Variants in EPHA8 observed in about 807,000 individuals in gnomAD.
The protein encoded by EPHA8 is ephrin type-A receptor 8.
EPHA8 carries 58 observed loss-of-function variants against 103.6 expected under a neutral mutation model. The observed-to-expected ratio is 0.56, with a 90% CI of 0.45 to 0.70. The LOEUF (loss-of-function observed/expected upper bound fraction) is 0.70, where lower values mean the gene tolerates loss of function less well. EPHA8 is among the 30% of genes least tolerant of loss of function. The pLI, the probability that EPHA8 is intolerant of heterozygous loss-of-function variation, is 0.00. For synonymous variants in EPHA8, 559 were observed against 572.5 expected (o/e 0.98, Z 0.34); for missense variants, 1,304 against 1,395.2 (o/e 0.93, Z 1.04).
chr1:22,593,234 A>T, intron 5 of EPHA8, 92 bp from the exon 6 acceptor site: 2 of 1,494,390 alleles, frequency 1.3e-6, no homozygotes, highest in Non-Finnish European at 1.8e-6. Flanking sequence ...GCAGGGCTGG[A>T]ACCAGGATCC....
chr1:22,567,728 G>A lies in EPHA8; in HGVS notation c.95-1561G>A, dbSNP rs939598476. Among the ~76,000 whole-genome samples the A allele has an allele frequency of 3.3e-5, 5 of 152,198 alleles. No individual in the cohort carries two copies. The highest frequency in any genetic ancestry group is 5.9e-5 in the Non-Finnish European group (4 of 68,034). ...CTTCGAGGGGCAGGCTTAGAGCTAT[G>A]CAAATCTCAGGCAGAAGGACACCCA... On this transcript the variant is annotated intron_variant, in intron 1 of 16. Transcript: ENST00000166244. This position sits in a 1 kb window ranked among gnomAD's most constrained non-coding sequence, Gnocchi z 4.2.
intron 7 of EPHA8, among the ~76,000 whole-genome samples, chr1:22,594,149 A>C (rs113167143): frequency 5.9e-5 from 9 of 151,950 alleles, no homozygotes; most frequent in Admixed American, 2.0e-4. Context: ...TTGTGTATTT[A>C]ATAGAAATGG....
intron 2 of EPHA8, among the ~76,000 whole-genome samples, chr1:22,574,656 G>A (rs1234270170): frequency 2.0e-5 from 3 of 152,122 alleles, no homozygotes; most frequent in Non-Finnish European, 4.4e-5. Context: ...TCCGTTGTAG[G>A]TATATGCCAC....
Position 22,593,232 on chromosome 1 carries a change from G to A in EPHA8, c.1316-94G>A. On this transcript the variant is annotated intron_variant, in intron 5 of 16. Coordinates refer to ENST00000166244, the MANE Select transcript of EPHA8 (RefSeq NM_020526.5). Reference sequence around the variant, plus strand: ...GACCATCAGGAAGCTGAGCAGGGCTGGAACCAGGATCCCCAGGTGGAACCT... The same window carrying A: ...GACCATCAGGAAGCTGAGCAGGGCTAGAACCAGGATCCCCAGGTGGAACCT... 1.3e-6 allele frequency: 2 copies of A among 1,491,392 alleles called. 1 individual carries two copies. The highest frequency in any genetic ancestry group is 1.8e-6 in the Non-Finnish European group (2 of 1,108,496). 92.4% of individuals were successfully genotyped at this position (1,491,392 alleles called of 1,614,324 possible). A position where few individuals can be genotyped will look rare whatever the true frequency, so the allele number is the denominator to read the frequency against.
At position 22,600,948 on chromosome 1, in the gene EPHA8, C is replaced by T; in HGVS notation, c.2589C>T (p.Cys863=). ...EGYRLPAPMG[C]PHALHQLMLD... Reference sequence around the variant, plus strand: ...ACCGCCTGCCCGCACCCATGGGCTGCCCCCACGCCCTGCACCAGCTCATGC... The same window carrying T: ...ACCGCCTGCCCGCACCCATGGGCTGTCCCCACGCCCTGCACCAGCTCATGC... Residue 863 remains cysteine (C), a synonymous_variant, in exon 15 of 17, where the codon TGC becomes TGT. Transcript: ENST00000166244. 1 of 1,612,440 alleles carries T rather than the reference C, an allele frequency of 6.2e-7. No homozygotes were observed. The highest frequency in any genetic ancestry group is 8.5e-7 in the Non-Finnish European group (1 of 1,179,590).
chr1:22,584,283 C>T (rs1050577115), intron 3 of EPHA8, among the ~76,000 whole-genome samples: 2 of 152,204 alleles, frequency 1.3e-5, no homozygotes, highest in African/African-American at 4.8e-5. Flanking sequence ...GTCAAGACTC[C>T]TCACGACTCC....
Position 22,600,825 on chromosome 1 carries a change from C to T in EPHA8, c.2538+15C>T. ...CCAACCGGGATGTGAGTGCCAAGCCCTGGCAGGTCCGCGGGCGGTGGAGCC... is the reference window on the plus strand; with the variant it reads ...CCAACCGGGATGTGAGTGCCAAGCCTTGGCAGGTCCGCGGGCGGTGGAGCC... On this transcript the variant is annotated intron_variant, in intron 14 of 16. Coordinates refer to ENST00000166244, the MANE Select transcript of EPHA8 (RefSeq NM_020526.5). 1 of 1,597,186 alleles carries T rather than the reference C, an allele frequency of 6.3e-7. No individual in the cohort carries two copies. The highest frequency in any genetic ancestry group is 8.5e-7 in the Non-Finnish European group (1 of 1,170,136).
chr1:22,568,018 ATT>A (rs1210332413), intron 1 of EPHA8, among the ~76,000 whole-genome samples: 2 of 152,224 alleles, frequency 1.3e-5, no homozygotes, highest in Non-Finnish European at 2.9e-5. Context: ...CGGAGCCCTG[ATT>A]TCTAAACAGC....
In EPHA8 at chr1:22,579,098, TGTGTATGTGTGCATGTGTAC is replaced by T. The variant is rs1469899421; in HGVS notation, c.823+2237_823+2256del. The stretch of plus-strand genomic sequence containing the variant: ...GTGCATGTGTACGTGCATGTGTGCA[TGTGTATGTGTGCATGTGTAC>T]GTGTATGTGTGCATGTGTGTGTGCA... On this transcript the variant is annotated intron_variant, in intron 3 of 16. Coordinates refer to ENST00000166244, the MANE Select transcript of EPHA8 (RefSeq NM_020526.5). Among the ~76,000 whole-genome samples, 805 of 134,742 alleles carry T rather than the reference TGTGTATGTGTGCATGTGTAC, an allele frequency of 6.0e-3. 5 individuals are homozygous for T. The highest frequency in any genetic ancestry group is 0.028 in the African/African-American group (722 of 26,034). 88.4% of individuals were successfully genotyped at this position (134,742 alleles called of 152,430 possible).
chr1:22,568,701 C>T (rs1405299076), intron 1 of EPHA8, among the ~76,000 whole-genome samples: 3 of 152,226 alleles, frequency 2.0e-5, no homozygotes, highest in Non-Finnish European at 2.9e-5. Flanking sequence ...GCACGGAGGA[C>T]GTGCTAAATG....
At position 22,570,254 on chromosome 1, in the gene EPHA8, ACACG is replaced by A. The variant is rs200523307; in HGVS notation, c.159+908_159+911del. Among the ~76,000 whole-genome samples, 1,372 of 152,094 alleles carry A rather than the reference ACACG, an allele frequency of 9.0e-3. 13 individuals are homozygous for A. The highest frequency in any genetic ancestry group is 0.013 in the Non-Finnish European group (885 of 68,012). On this transcript the variant is annotated intron_variant, in intron 2 of 16. Coordinates refer to ENST00000166244, the MANE Select transcript of EPHA8 (RefSeq NM_020526.5). ...TGCTCAGAAACACACACATGCACAC[ACACG>A]CACGCATGTACACACACATGCACGC... is the stretch of plus-strand genomic sequence containing the variant.
intron 1 of EPHA8, among the ~76,000 whole-genome samples, chr1:22,566,836 G>T: frequency 6.6e-6 from 1 of 152,088 alleles, no homozygotes; most frequent in Non-Finnish European, 1.5e-5. Flanking sequence ...GACACTCTGC[G>T]TTCTCACCCA....
rs1251690074 is a variant in EPHA8 at position 22,563,514 on chromosome 1, C to T, written c.-122C>T. The T allele has an allele frequency of 2.7e-5, 4 of 145,948 alleles. No homozygotes were observed. In the South Asian group the frequency reaches 7.3e-4, roughly 27 times the overall value. The allele number at this position is 145,948 out of a possible 1,614,324, so 9.0% of individuals were successfully genotyped here. A position where few individuals can be genotyped will look rare whatever the true frequency, so the allele number is the denominator to read the frequency against. On this transcript the variant is annotated 5_prime_UTR_variant, in exon 1 of 17. Transcript: ENST00000166244. The surrounding 1 kb of genome is among the most constrained non-coding windows in gnomAD (Gnocchi z 4.4). ...GTGTGCGCTGGGAGCCGCGTGTGCG[C>T]CGGGGTGTGCGCCCGGCCGGGTGTG...
chr1:22,599,107 C>A, intron 13 of EPHA8, 60 bp downstream of exon 13: 2 of 1,522,146 alleles, frequency 1.3e-6, no homozygotes, highest in Non-Finnish European at 1.8e-6. Flanking sequence ...GCCGGTGGCA[C>A]CCAGGGCCCA....
intron 3 of EPHA8, among the ~76,000 whole-genome samples, chr1:22,577,930 C>CGA (rs1640772743): frequency 4.5e-4 from 2 of 4,422 alleles, no homozygotes; most frequent in African/African-American, 1.1e-3. Context: ...TGTATGTGTG[C>CGA]GTGAGTGTAT....
At chr1:22,570,935 C>T (rs1640527724) in intron 2 of EPHA8, among the ~76,000 whole-genome samples, 1 of 152,258 alleles carries the variant, frequency 6.6e-6, no homozygotes, top group South Asian at 2.1e-4. Flanking sequence ...AGCTGGTCCC[C>T]CCGTGGCAGG....
In EPHA8 at chr1:22,593,384, GC is replaced by G; in HGVS notation, c.1375del (p.Leu459CysfsTer90). The G allele has an allele frequency of 6.3e-7, 1 of 1,588,876 alleles. No individual in the cohort carries two copies. The highest frequency in any genetic ancestry group is 8.6e-7 in the Non-Finnish European group (1 of 1,169,186). ...ERAGQTSVSLLWQEPEQPNGI... is the reference protein window; with the variant it reads ...ERAGQTSVSLXWQEPEQPNGI... ...GGGCGGGGCAGACCAGCGTCTCGCTGCTGTGGCAGGAGCCCGAGCAGCCGAA... is the reference window on the plus strand; with the variant it reads ...GGGCGGGGCAGACCAGCGTCTCGCTGTGTGGCAGGAGCCCGAGCAGCCGAA... On this transcript the variant is annotated frameshift_variant, in exon 6 of 17. Transcript: ENST00000166244. LOFTEE classifies it high-confidence loss of function.
At position 22,602,073 on chromosome 1, in the gene EPHA8, T is replaced by A. The variant is rs531849019; in HGVS notation, c.*332T>A. 4.5e-6 allele frequency: 2 copies of A among 446,034 alleles called. No homozygotes were observed. The highest frequency in any genetic ancestry group is 7.9e-6 in the Non-Finnish European group (2 of 252,006). The allele number at this position is 446,034 out of a possible 1,614,324, so 27.6% of individuals were successfully genotyped here. A position where few individuals can be genotyped will look rare whatever the true frequency, so the allele number is the denominator to read the frequency against. ...GTGCATGTGTGTGTGTGGTGGGGGG[T>A]GTTCTCACAAGGTCATGGGATCTCA... On this transcript the variant is annotated 3_prime_UTR_variant, in exon 17 of 17. Coordinates refer to ENST00000166244, the MANE Select transcript of EPHA8 (RefSeq NM_020526.5).
intron 1 of EPHA8, among the ~76,000 whole-genome samples, chr1:22,566,877 A>G (rs1222419620): frequency 1.3e-5 from 2 of 152,082 alleles, no homozygotes; most frequent in African/African-American, 4.8e-5. Flanking sequence ...GAAGGTGGAG[A>G]TGGGGACAGA....
Sources: allele counts gnomAD v4.1 joint callset (sites outside exome capture counted in the v4.1 genomes callset), GRCh38; gene constraint gnomAD v4.1.1; non-coding constraint Gnocchi (gnomAD v3.1); transcripts MANE v1.5; gene names NCBI Gene and HGNC (gene_info 2026-07-23, HGNC 2026-07-21).